Variants in TCF4 observed in about 807,000 individuals in gnomAD.
TCF4 encodes transcription factor 4.
A neutral mutation model predicts 82.1 loss-of-function variants in TCF4; 3 were observed. The observed-to-expected ratio is 0.04, with a 90% CI of 0.02 to 0.09. The LOEUF is 0.09. Among genes scored for constraint, TCF4 ranks in the 10% least tolerant of loss-of-function variants. The pLI is 1.00. For missense variants in TCF4, 518 were observed against 852.7 expected, an observed-to-expected ratio of 0.61 and a Z score of 4.89; for synonymous variants, 276 against 309.6, an observed-to-expected ratio of 0.89 and a Z score of 1.14.
intron 3 of TCF4, among the ~76,000 whole-genome samples, chr18:55,563,129 G>C (rs964248715): frequency 6.6e-6 from 1 of 150,944 alleles, no homozygotes; most frequent in African/African-American, 2.4e-5. Flanking sequence ...GTTCCAGCTA[G>C]TTGGGAGGTT....
intron 8 of TCF4, among the ~76,000 whole-genome samples, chr18:55,324,419 T>C (rs1299572967): frequency 6.6e-6 from 1 of 152,230 alleles, no homozygotes; most frequent in Non-Finnish European, 1.5e-5. Flanking sequence ...AAGTTTTCTT[T>C]GTGACAGAAA....
chr18:55,433,464 C>G (rs1487034849), intron 5 of TCF4, among the ~76,000 whole-genome samples: 1 of 152,216 alleles, frequency 6.6e-6, no homozygotes, highest in Non-Finnish European at 1.5e-5. Flanking sequence ...GTGACTATCA[C>G]TATTTACAAT....
intron 8 of TCF4, among the ~76,000 whole-genome samples, chr18:55,299,714 T>C (rs2067569298): frequency 6.6e-6 from 1 of 152,148 alleles, no homozygotes; most frequent in African/African-American, 2.4e-5. Flanking sequence ...AAAAAAATGT[T>C]GCTGGGTAAC....
chr18:55,475,125 T>C (rs552640301), intron 3 of TCF4, among the ~76,000 whole-genome samples: 95 of 152,288 alleles, frequency 6.2e-4, no homozygotes, highest in African/African-American at 2.1e-3. Flanking sequence ...CATATTCCAA[T>C]AGGGAACTTC....
At chr18:55,365,745 T>TA (rs935150235) in intron 6 of TCF4, among the ~76,000 whole-genome samples, 9 of 151,564 alleles carry the variant, frequency 5.9e-5, no homozygotes, top group African/African-American at 1.9e-4. Flanking sequence ...ACTAAAAATA[T>TA]AAAAAAATTA....
At chr18:55,278,021 T>C (rs970266399) in intron 9 of TCF4, among the ~76,000 whole-genome samples, 11 of 152,300 alleles carry the variant, frequency 7.2e-5, no homozygotes, top group African/African-American at 2.4e-4. Context: ...TTAAAGGACT[T>C]CTGACACACG....
At chr18:55,242,109 T>G (rs1335957104) in intron 15 of TCF4, among the ~76,000 whole-genome samples, 1 of 152,200 alleles carries the variant, frequency 6.6e-6, no homozygotes, top group Non-Finnish European at 1.5e-5. Context: ...CAACTGCTTC[T>G]CTTTTATTAG....
At chr18:55,432,677 C>A (rs1329558605) in intron 5 of TCF4, among the ~76,000 whole-genome samples, 1 of 152,166 alleles carries the variant, frequency 6.6e-6, no homozygotes, top group South Asian at 2.1e-4. Context: ...CATGCTACAC[C>A]GATTCTACTT....
At chr18:55,244,274 G>C (rs1408066772) in intron 15 of TCF4, among the ~76,000 whole-genome samples, 1 of 152,010 alleles carries the variant, frequency 6.6e-6, no homozygotes, top group Non-Finnish European at 1.5e-5. Context: ...CTTTCCCTTA[G>C]ATTGCATCCA....
At chr18:55,468,884 C>T (rs375687611) in intron 3 of TCF4, among the ~76,000 whole-genome samples, 13 of 94,662 alleles carry the variant, frequency 1.4e-4, no homozygotes, top group Non-Finnish European at 2.2e-4. Flanking sequence ...AGTTCTCGCC[C>T]CCCCCCCCCT....
At chr18:55,243,004 AATG>A (rs2051827699) in intron 15 of TCF4, among the ~76,000 whole-genome samples, 1 of 152,218 alleles carries the variant, frequency 6.6e-6, no homozygotes, top group Non-Finnish European at 1.5e-5. Context: ...GGTTTTAAAA[AATG>A]ATGAAGTCAT....
At chr18:55,237,729 T>C (rs930113264) in intron 15 of TCF4, among the ~76,000 whole-genome samples, 25 of 152,182 alleles carry the variant, frequency 1.6e-4, no homozygotes, top group Non-Finnish European at 3.4e-4. Flanking sequence ...TGAGCTTGAT[T>C]CTCCAGGATA....
intron 5 of TCF4, among the ~76,000 whole-genome samples, chr18:55,453,198 C>G (rs1261963928): frequency 1.3e-5 from 2 of 150,636 alleles, no homozygotes; most frequent in Admixed American, 6.6e-5. Context: ...CACCCTTCCC[C>G]TTCTTTCTGC....
chr18:55,259,907 T>C, intron 13 of TCF4, 42 bp downstream of exon 13: 1 of 1,532,460 alleles, frequency 6.5e-7, no homozygotes, highest in South Asian at 1.1e-5. Context: ...GAATCATTCT[T>C]ATAAACTGTT....
At chr18:55,240,950 T>C (rs1427887811) in intron 15 of TCF4, among the ~76,000 whole-genome samples, 2 of 152,240 alleles carry the variant, frequency 1.3e-5, no homozygotes, top group African/African-American at 4.8e-5. Flanking sequence ...GCTTCTCTTA[T>C]GTTCTGTATG....
At chr18:55,446,763 T>C (rs1368582385) in intron 5 of TCF4, among the ~76,000 whole-genome samples, 2 of 151,780 alleles carry the variant, frequency 1.3e-5, no homozygotes, top group African/African-American at 2.4e-5. Flanking sequence ...GGCAGGCGGA[T>C]CACTAGGTCA....
intron 13 of TCF4, 77 bp from the exon 14 acceptor site, chr18:55,257,468 T>C: frequency 7.2e-7 from 1 of 1,394,652 alleles, no homozygotes. Context: ...AACAGTCCTT[T>C]TGGAAATGGC....
intron 6 of TCF4, among the ~76,000 whole-genome samples, chr18:55,370,474 T>TAGAC (rs111695346): frequency 0.015 from 2,276 of 147,582 alleles, 23 homozygotes; most frequent in African/African-American, 0.019. Context: ...GATAGATAGA[T>TAGAC]AGACAGACAT....
intron 8 of TCF4, chr18:55,320,846 G>A (rs1446000512): frequency 1.3e-5 from 2 of 152,022 alleles, no homozygotes; most frequent in African/African-American, 4.8e-5. Flanking sequence ...TGAAAATATT[G>A]AAATCCTTTT....
Sources: gnomAD v4.1 joint callset for allele counts (sites outside exome capture counted in the v4.1 genomes callset) on GRCh38, gnomAD v4.1.1 for gene constraint, MANE v1.5 for transcripts, NCBI Gene and HGNC (gene_info 2026-07-23, HGNC 2026-07-21) for gene names.